CADM2: variants seen among roughly 807,000 people sequenced by gnomAD.
The protein encoded by CADM2 is cell adhesion molecule 2.
A neutral mutation model predicts 49.8 loss-of-function variants in CADM2; 12 were observed. That is an observed-to-expected ratio of 0.24 (90% confidence interval 0.15 to 0.39). The LOEUF (loss-of-function observed/expected upper bound fraction) is 0.39, where lower values mean the gene tolerates loss of function less well. Ranked by LOEUF, CADM2 falls within the 10% of genes least tolerant of loss-of-function variation. The pLI, the probability that CADM2 is intolerant of heterozygous loss-of-function variation, is 1.00. For missense variants in CADM2, 378 were observed against 492.3 expected, an observed-to-expected ratio of 0.77 and a Z score of 2.20; for synonymous variants, 214 against 175.4, an observed-to-expected ratio of 1.22 and a Z score of -1.74.
intron 1 of CADM2, among the ~76,000 whole-genome samples, chr3:85,569,858 T>C (rs2062427793): frequency 6.6e-6 from 1 of 152,182 alleles, no homozygotes; most frequent in African/African-American, 2.4e-5. Flanking sequence ...GTGTGTCTTA[T>C]AATAGTCTTG....
chr3:85,622,969 T>C, intron 1 of CADM2, among the ~76,000 whole-genome samples: 1 of 152,264 alleles, frequency 6.6e-6, no homozygotes, highest in African/African-American at 2.4e-5. Context: ...GAGCAAGCTC[T>C]TTCAATAGGT....
At chr3:85,316,386 A>G (rs1205430479) in intron 1 of CADM2, among the ~76,000 whole-genome samples, 1 of 152,180 alleles carries the variant, frequency 6.6e-6, no homozygotes, top group Non-Finnish European at 1.5e-5. Flanking sequence ...AGGTATTCTA[A>G]TCCTCTGCTT....
At chr3:85,656,204 G>A (rs2107596233) in intron 1 of CADM2, among the ~76,000 whole-genome samples, 1 of 151,906 alleles carries the variant, frequency 6.6e-6, no homozygotes, top group African/African-American at 2.4e-5. Flanking sequence ...CTTTATCATA[G>A]TATGAACATT....
intron 1 of CADM2, among the ~76,000 whole-genome samples, chr3:85,337,428 A>C (rs1178691268): frequency 6.6e-6 from 1 of 151,464 alleles, no homozygotes; most frequent in Non-Finnish European, 1.5e-5. Flanking sequence ...TGGTATAGAA[A>C]AACATGGAAA....
intron 1 of CADM2, among the ~76,000 whole-genome samples, chr3:85,416,165 G>A (rs770655375): frequency 1.3e-5 from 2 of 151,992 alleles, no homozygotes; most frequent in Non-Finnish European, 2.9e-5. Context: ...TGTGAATAAA[G>A]CTCAGTTGTT....
intron 1 of CADM2, among the ~76,000 whole-genome samples, chr3:85,714,840 TG>T (rs1487721350): frequency 5.9e-5 from 9 of 152,136 alleles, no homozygotes; most frequent in Non-Finnish European, 1.0e-4. Context: ...CTCCAGGTGG[TG>T]GTGTCCTCCT....
At chr3:85,226,254 T>C (rs1468820547) in intron 1 of CADM2, among the ~76,000 whole-genome samples, 1 of 151,858 alleles carries the variant, frequency 6.6e-6, no homozygotes, top group Non-Finnish European at 1.5e-5. Context: ...TCCTGGATTT[T>C]TTTTTTTTTG....
At chr3:85,443,880 G>C (rs980182054) in intron 1 of CADM2, among the ~76,000 whole-genome samples, 1 of 151,962 alleles carries the variant, frequency 6.6e-6, no homozygotes, top group Non-Finnish European at 1.5e-5. Context: ...CAGGTATTTC[G>C]GTTGCCATCT....
At chr3:85,968,984 C>G (rs920549571) in intron 8 of CADM2, among the ~76,000 whole-genome samples, 1 of 151,396 alleles carries the variant, frequency 6.6e-6, no homozygotes, top group African/African-American at 2.4e-5. Flanking sequence ...TCTATTCTAC[C>G]CTTCTCTCCA....
Position 85,197,954 on chromosome 3 carries a change from A to G in CADM2, c.61+238286A>G, listed in dbSNP as rs1387728512. Among the ~76,000 whole-genome samples the G allele has an allele frequency of 2.0e-5, 3 of 151,984 alleles. No individual in the cohort carries two copies. In the South Asian group the frequency reaches 6.2e-4, roughly 31 times the overall value. ...TTCAAGTCAGGTTGTTTTGCTGATC[A>G]CAAAGGTTTTCCCATAAATTCTCAT... is the stretch of plus-strand genomic sequence containing the variant. On this transcript the variant is annotated intron_variant, in intron 1 of 9. Coordinates refer to ENST00000383699, the MANE Select transcript of CADM2 (RefSeq NM_001167675.2).
intron 3 of CADM2, among the ~76,000 whole-genome samples, chr3:85,840,399 A>C (rs1002016600): frequency 5.3e-5 from 8 of 151,926 alleles, no homozygotes; most frequent in Non-Finnish European, 1.0e-4. Flanking sequence ...TTACAATACT[A>C]AATTGTGGTA....
intron 1 of CADM2, among the ~76,000 whole-genome samples, chr3:85,623,997 T>C (rs900402751): frequency 6.6e-6 from 1 of 152,104 alleles, no homozygotes; most frequent in African/African-American, 2.4e-5. Flanking sequence ...AAATGAGTAA[T>C]TGATGATTGT....
chr3:85,206,237 G>T (rs773529744), intron 1 of CADM2, among the ~76,000 whole-genome samples: 1 of 150,896 alleles, frequency 6.6e-6, no homozygotes. Flanking sequence ...TGAAGTCAAT[G>T]ACTCTTTTAT....
chr3:86,016,315 T>C lies in CADM2; in HGVS notation c.971-49290T>C, dbSNP rs544205547. ...ATATCTTTTTATATTTAATTACTAA[T>C]AAGCATCTTGCATATGATAAACTGT... On this transcript the variant is annotated intron_variant, in intron 8 of 9. Coordinates refer to ENST00000383699, the MANE Select transcript of CADM2 (RefSeq NM_001167675.2). Among the ~76,000 whole-genome samples the C allele has an allele frequency of 2.0e-5, 3 of 152,296 alleles. No homozygotes were observed. The East Asian group carries it at 5.8e-4, about 29-fold the overall frequency.
chr3:85,774,114 T>A (rs2070237454), intron 2 of CADM2, among the ~76,000 whole-genome samples: 2 of 151,902 alleles, frequency 1.3e-5, no homozygotes, highest in South Asian at 4.1e-4. Flanking sequence ...CCTCTTCATT[T>A]TTTTTTAACT....
chr3:85,471,183 C>T (rs180846699), intron 1 of CADM2, among the ~76,000 whole-genome samples: 4 of 152,196 alleles, frequency 2.6e-5, no homozygotes, highest in African/African-American at 9.6e-5. Context: ...TTCGCGTCAT[C>T]ACTCAGGGAT....
At chr3:86,015,019 A>G in intron 8 of CADM2, 1 of 906,548 alleles carries the variant, frequency 1.1e-6, no homozygotes. Flanking sequence ...ATAAATTGTG[A>G]CATAAAACAC....
chr3:85,358,590 A>C (rs2032067773), intron 1 of CADM2, among the ~76,000 whole-genome samples: 1 of 152,124 alleles, frequency 6.6e-6, no homozygotes, highest in Non-Finnish European at 1.5e-5. Context: ...ATCTTTTGCT[A>C]TGATGCATTA....
At chr3:85,426,114 T>C (rs2036390600) in intron 1 of CADM2, among the ~76,000 whole-genome samples, 1 of 150,206 alleles carries the variant, frequency 6.7e-6, no homozygotes, top group Admixed American at 6.8e-5. Context: ...AGCAATAATA[T>C]CCTGATTTCA....
Sources: allele counts gnomAD v4.1 joint callset (sites outside exome capture counted in the v4.1 genomes callset), GRCh38; gene constraint gnomAD v4.1.1; transcripts MANE v1.5; gene names NCBI Gene and HGNC (gene_info 2026-07-23, HGNC 2026-07-21).